Variants in SPATA13 observed in about 807,000 individuals in gnomAD.
SPATA13 encodes the protein spermatogenesis associated 13, also known as spermatogenesis-associated protein 13.
Under a neutral mutation model 104.0 loss-of-function variants are expected in SPATA13, and 50 were observed. The observed-to-expected ratio is 0.48, with a 90% confidence interval of 0.38 to 0.61. The LOEUF (loss-of-function observed/expected upper bound fraction) is 0.61. SPATA13 is among the 20% of genes least tolerant of loss of function. SPATA13 has a pLI of 0.00. For missense variants in SPATA13, 1,524 were observed against 1,690.6 expected (o/e 0.90, Z 1.73); for synonymous variants, 606 against 667.5 (o/e 0.91, Z 1.42).
intron 3 of SPATA13, among the ~76,000 whole-genome samples, chr13:24,133,076 T>C (rs1178651594): frequency 6.6e-6 from 1 of 152,118 alleles, no homozygotes; most frequent in East Asian, 1.9e-4. Flanking sequence ...GGAGCCAACA[T>C]TAGCAATGGA....
chr13:24,001,714 C>T (rs552179357), intron 2 of SPATA13, among the ~76,000 whole-genome samples: 12 of 151,508 alleles, frequency 7.9e-5, no homozygotes, highest in African/African-American at 2.7e-4. Flanking sequence ...CAATGATGGC[C>T]GTGGATATGG....
At chr13:24,234,696 A>C (rs1446988368) in intron 2 of SPATA13, among the ~76,000 whole-genome samples, 3 of 152,198 alleles carry the variant, frequency 2.0e-5, no homozygotes, top group Non-Finnish European at 2.9e-5. Context: ...GACTTCAGGG[A>C]GTCAACTGGT....
intron 3 of SPATA13, among the ~76,000 whole-genome samples, chr13:24,091,710 C>T (rs1342728515): frequency 6.6e-6 from 1 of 152,164 alleles, no homozygotes; most frequent in South Asian, 2.1e-4. Flanking sequence ...ACTAAGGAGG[C>T]TGAGGCAGGA....
At chr13:23,980,979 T>C (rs1874866723) in intron 1 of SPATA13, among the ~76,000 whole-genome samples, 2 of 152,218 alleles carry the variant, frequency 1.3e-5, no homozygotes, top group South Asian at 4.1e-4. Flanking sequence ...ATTTAAAAAG[T>C]AAAGTACAGA....
Position 24,286,030 on chromosome 13 carries a change from T to C in SPATA13, c.2302-184T>C, listed in dbSNP as rs1875909813. ...AGAGATGTCCTCCTGACTTTGTTTTTTCTTAGTCTGTTCTCCTGGGTTCTC... is the reference window on the plus strand; with the variant it reads ...AGAGATGTCCTCCTGACTTTGTTTTCTCTTAGTCTGTTCTCCTGGGTTCTC... On this transcript the variant is annotated intron_variant, in intron 5 of 12. Transcript: ENST00000382108. The surrounding 1 kb of genome is among the most constrained non-coding windows in gnomAD (Gnocchi z 4.9). 6.6e-6 allele frequency among the ~76,000 whole-genome samples: 1 copy of C among 152,196 alleles called. No homozygotes were observed. Among genetic ancestry groups the C allele is most frequent in the Admixed American group, 6.5e-5 (1 of 15,274 alleles).
intron 9 of SPATA13, among the ~76,000 whole-genome samples, chr13:24,291,304 G>A (rs1265112906): frequency 2.0e-5 from 3 of 152,136 alleles, no homozygotes; most frequent in African/African-American, 4.8e-5. Context: ...ACAGCAGCTC[G>A]GCTCAGAGCA....
chr13:24,221,055 T>G (rs1871558839), intron 1 of SPATA13, among the ~76,000 whole-genome samples: 1 of 152,188 alleles, frequency 6.6e-6, no homozygotes, highest in Non-Finnish European at 1.5e-5. Flanking sequence ...ATTTTTGGGA[T>G]TTATTTACAG....
chr13:24,133,253 G>C (rs1340689738), intron 3 of SPATA13, among the ~76,000 whole-genome samples: 1 of 152,178 alleles, frequency 6.6e-6, no homozygotes, highest in East Asian at 1.9e-4. Flanking sequence ...AGGTTGAAGG[G>C]AAAGAGAAAT....
chr13:24,018,261 A>T (rs1876806623), intron 3 of SPATA13, among the ~76,000 whole-genome samples: 2 of 152,220 alleles, frequency 1.3e-5, no homozygotes, highest in Admixed American at 6.5e-5. Flanking sequence ...GTTGTAGATT[A>T]AACTGTATTA....
At chr13:24,027,835 A>G (rs1197964032) in intron 3 of SPATA13, among the ~76,000 whole-genome samples, 2 of 151,226 alleles carry the variant, frequency 1.3e-5, no homozygotes, top group African/African-American at 4.9e-5. Context: ...GTGTAGATTA[A>G]ACCCTTCAGG....
chr13:24,166,805 A>G (rs926884878), intron 1 of SPATA13, among the ~76,000 whole-genome samples: 1 of 152,240 alleles, frequency 6.6e-6, no homozygotes, highest in Admixed American at 6.5e-5. Context: ...ATTTGCAGAG[A>G]ATGGTAATCC....
chr13:24,060,773 A>G (rs546592117), intron 3 of SPATA13, among the ~76,000 whole-genome samples: 1 of 152,316 alleles, frequency 6.6e-6, no homozygotes, highest in Non-Finnish European at 1.5e-5. Context: ...TTAAAAATGG[A>G]CAAATGCGGC....
intron 10 of SPATA13, among the ~76,000 whole-genome samples, chr13:24,296,738 C>T (rs1417390340): frequency 6.6e-6 from 1 of 152,036 alleles, no homozygotes. Context: ...TGCCTCTTAC[C>T]AGAGGCTTCA....
intron 2 of SPATA13, among the ~76,000 whole-genome samples, chr13:24,247,648 A>C (rs1480992115): frequency 6.6e-6 from 1 of 151,684 alleles, no homozygotes; most frequent in Non-Finnish European, 1.5e-5. Flanking sequence ...ACACCTGGCT[A>C]ATTTTTTTGT....
At chr13:24,301,925 C>A (rs1197683945) in intron 12 of SPATA13, among the ~76,000 whole-genome samples, 1 of 152,160 alleles carries the variant, frequency 6.6e-6, no homozygotes, top group Non-Finnish European at 1.5e-5. Flanking sequence ...CCCATAGGTA[C>A]TGTAATCCCC....
intron 3 of SPATA13, among the ~76,000 whole-genome samples, chr13:24,104,516 T>C (rs1880372516): frequency 6.6e-6 from 1 of 152,192 alleles, no homozygotes; most frequent in Admixed American, 6.5e-5. Flanking sequence ...GGTATCTTCA[T>C]CTTCGTGGAT....
At chr13:24,224,670 C>T (rs1309514274) in intron 2 of SPATA13, 88 bp downstream of exon 2, 1 of 1,377,106 alleles carries the variant, frequency 7.3e-7, no homozygotes, top group Non-Finnish European at 1.0e-6. Context: ...CCTAACCTGT[C>T]AAGGTCAGTG....
At position 24,286,432 on chromosome 13, in the gene SPATA13, G is replaced by A; in HGVS notation, c.2481+39G>A. 1 of 1,590,230 alleles carries A rather than the reference G, an allele frequency of 6.3e-7. No homozygotes were observed. The highest frequency in any genetic ancestry group is 8.6e-7 in the Non-Finnish European group (1 of 1,167,938). On this transcript the variant is annotated intron_variant, in intron 6 of 12. Transcript: ENST00000382108. This position sits in a 1 kb window ranked among gnomAD's most constrained non-coding sequence, Gnocchi z 4.9. Reference sequence around the variant, plus strand: ...GCTTGCAGCTTTTCCAAAGTACCTGGGGGAGCTGCAGGATCCTTTCAGGTC... The same window carrying A: ...GCTTGCAGCTTTTCCAAAGTACCTGAGGGAGCTGCAGGATCCTTTCAGGTC...
intron 3 of SPATA13, among the ~76,000 whole-genome samples, chr13:24,025,814 T>C (rs1201151900): frequency 1.2e-4 from 2 of 17,156 alleles, no homozygotes. Flanking sequence ...TCTTTCTTTC[T>C]TTTTTTTTTT....
Sources: gnomAD v4.1 joint callset for allele counts (sites outside exome capture counted in the v4.1 genomes callset) on GRCh38, gnomAD v4.1.1 for gene constraint, Gnocchi (gnomAD v3.1) non-coding constraint, MANE v1.5 for transcripts, NCBI Gene and HGNC (gene_info 2026-07-23, HGNC 2026-07-21) for gene names.